Variants in ADGRG7 observed in about 807,000 individuals in gnomAD.
ADGRG7 encodes adhesion G protein-coupled receptor G7.
In ADGRG7, 82 loss-of-function variants were observed where a neutral mutation model predicts 88.6. That is an observed-to-expected ratio of 0.93 (90% CI 0.77 to 1.11). The LOEUF (loss-of-function observed/expected upper bound fraction) is 1.11. Ranked by LOEUF, ADGRG7 falls within the 50% of genes most tolerant of loss-of-function variation. The probability of loss-of-function intolerance (pLI) is 0.00; values close to 1 mark genes in which losing one functional copy is unlikely to be tolerated. For synonymous variants in ADGRG7, 381 were observed against 345.2 expected (o/e 1.10, Z -1.15); for missense variants, 945 against 953.4 (o/e 0.99, Z 0.12).
intron 15 of ADGRG7, among the ~76,000 whole-genome samples, chr3:100,672,743 T>A (rs2094960312): frequency 6.6e-6 from 1 of 152,180 alleles, no homozygotes; most frequent in Non-Finnish European, 1.5e-5. Context: ...CAATACCTAG[T>A]TTATTGAGAA....
chr3:100,675,648 G>T (rs745671015), intron 15 of ADGRG7, among the ~76,000 whole-genome samples: 17 of 151,944 alleles, frequency 1.1e-4, no homozygotes, highest in Admixed American at 2.0e-4. Context: ...TATTCCCTTT[G>T]CCTCTATTTT....
Position 100,654,907 on chromosome 3 carries a change from C to T in ADGRG7, c.1452C>T (p.Leu484=). The T allele has an allele frequency of 6.2e-7, 1 of 1,614,086 alleles. No individual in the cohort carries two copies. The highest frequency in any genetic ancestry group is 8.5e-7 in the Non-Finnish European group (1 of 1,179,968). ...LCISMLIFNL[L]FVFGIENSNK... is the part of the protein sequence containing the mutation. ...TATCAATGTTGATTTTCAACCTCCT[C>T]TTTGTGTTTGGAATTGAAAACTCCA... The change falls in exon 12 of 16, where the codon CTC becomes CTT. Residue 484 remains leucine, a synonymous_variant. Coordinates refer to ENST00000273352, the MANE Select transcript of ADGRG7 (RefSeq NM_032787.3).
chr3:100,637,171 T>C (rs943147044), intron 5 of ADGRG7, 131 bp from the exon 6 acceptor site: 2 of 622,690 alleles, frequency 3.2e-6, no homozygotes, highest in African/African-American at 1.9e-5. Flanking sequence ...CCTTTAATTT[T>C]GTAAAATGCT....
intron 13 of ADGRG7, among the ~76,000 whole-genome samples, chr3:100,656,815 A>G (rs1359612696): frequency 3.3e-5 from 5 of 152,172 alleles, no homozygotes; most frequent in Admixed American, 6.5e-5. Context: ...AGGGCTGATC[A>G]TGCCCAACTG....
chr3:100,637,200 T>C (rs1259630340), intron 5 of ADGRG7, 102 bp from the exon 6 acceptor site: 10 of 773,722 alleles, frequency 1.3e-5, no homozygotes, highest in Non-Finnish European at 2.0e-5. Flanking sequence ...CATTATCATA[T>C]CAGTGATGCC....
rs545622799 is a variant in ADGRG7, at chr3:100,641,649, T to C, written c.699-1617T>C. On this transcript the variant is annotated intron_variant, in intron 6 of 15. Transcript: ENST00000273352. ...TCCAGGGCTTAACTTCCTTTTGACA[T>C]AATAAATTTAGAGGGTCTTGAAATT... Among the ~76,000 whole-genome samples the C allele has an allele frequency of 5.1e-4, 77 of 152,376 alleles. 1 individual carries two copies. In the South Asian group the frequency reaches 0.015, roughly 30 times the overall value.
rs369189432 is a variant in ADGRG7, at chr3:100,628,547, G to A, written c.116-1051G>A. Among the ~76,000 whole-genome samples, 41 of 152,010 alleles carry A rather than the reference G, an allele frequency of 2.7e-4. No individual in the cohort carries two copies. The East Asian group carries it at 2.9e-3, about 11-fold the overall frequency. ...TTAATTGTATTTTTAGTAGAGATGC[G>A]GTTTCACCATATTGCTCAGGCTGGT... On this transcript the variant is annotated intron_variant, in intron 1 of 15. Transcript: ENST00000273352.
chr3:100,667,611 A>G (rs925676181), intron 14 of ADGRG7, among the ~76,000 whole-genome samples: 3 of 152,162 alleles, frequency 2.0e-5, no homozygotes, highest in African/African-American at 4.8e-5. Context: ...AGTGTTTGCT[A>G]TTGTGAATAG....
In ADGRG7 at chr3:100,630,735, G is replaced by A. The variant is rs1302823868; in HGVS notation, c.260G>A (p.Gly87Asp). 1 of 1,466,578 alleles carries A rather than the reference G, an allele frequency of 6.8e-7. No homozygotes were observed. Among genetic ancestry groups the A allele is most frequent in the African/African-American group, 1.5e-5 (1 of 68,702 alleles). 90.8% of individuals were successfully genotyped at this position (1,466,578 alleles called of 1,614,324 possible). ...TTTTGTGAAAATAGTACCTATATGG[G>A]TTTTACTTTTGCCAGAATCCCAGTG... is the stretch of plus-strand genomic sequence containing the variant. ...ANFCENSTYM[G>D]FTFARIPVGR... The change falls in exon 3 of 16, where the codon GGT becomes GAT. Residue 87 changes from glycine to aspartate, a missense_variant. Transcript: ENST00000273352.
chr3:100,626,653 C>T (rs1707384681), intron 1 of ADGRG7, among the ~76,000 whole-genome samples: 1 of 152,076 alleles, frequency 6.6e-6, no homozygotes, highest in South Asian at 2.1e-4. Flanking sequence ...GGCATGGTGG[C>T]ATGTGCCCGT....
intron 3 of ADGRG7, among the ~76,000 whole-genome samples, chr3:100,632,784 G>A (rs1414705733): frequency 6.6e-6 from 1 of 152,146 alleles, no homozygotes; most frequent in East Asian, 1.9e-4. Context: ...AGGCAGTGAG[G>A]TAGGGAGGCT....
Position 100,681,309 on chromosome 3 carries a change from T to TC in ADGRG7, c.2136+12204_2136+12205insC, listed in dbSNP as rs201121723. 3.3e-5 allele frequency among the ~76,000 whole-genome samples: 5 copies of TC among 151,730 alleles called. No homozygotes were observed. In the East Asian group the frequency reaches 9.7e-4, roughly 29 times the overall value. ...TTGAAAGACATCTTTTCTTTTCTTT[T>TC]TTTTTTTTTTCTTTTTTTTGAGACA... On this transcript the variant is annotated intron_variant, in intron 15 of 15. Coordinates refer to ENST00000273352, the MANE Select transcript of ADGRG7 (RefSeq NM_032787.3).
chr3:100,647,499 A>G (rs1036185766), intron 10 of ADGRG7, among the ~76,000 whole-genome samples: 1 of 151,730 alleles, frequency 6.6e-6, no homozygotes, highest in African/African-American at 2.4e-5. Context: ...TAAAAGAAAA[A>G]CTCTGTAATC....
intron 15 of ADGRG7, among the ~76,000 whole-genome samples, chr3:100,694,088 C>T (rs558754425): frequency 1.2e-4 from 19 of 152,026 alleles, no homozygotes; most frequent in African/African-American, 1.7e-4. Flanking sequence ...CTGAAACATG[C>T]GGATGATAAA....
chr3:100,667,833 G>GA lies in ADGRG7; in HGVS notation c.1980-1104dup, dbSNP rs373525295. On this transcript the variant is annotated intron_variant, in intron 14 of 15. Transcript: ENST00000273352. ...TTCAGGTGCTACCAGGGTATGAAAA[G>GA]AAAAAAAAAAAAGAGCTCCTGCAGC... Among the ~76,000 whole-genome samples, 1,262 of 141,414 alleles carry GA rather than the reference G, an allele frequency of 8.9e-3. 11 individuals are homozygous for GA. Among genetic ancestry groups the GA allele is most frequent in the African/African-American group, 0.03 (1,181 of 38,838 alleles). 92.8% of individuals were successfully genotyped at this position (141,414 alleles called of 152,430 possible). A position where few individuals can be genotyped will look rare whatever the true frequency, so the allele number is the denominator to read the frequency against.
At chr3:100,671,016 G>C (rs960529821) in intron 15 of ADGRG7, among the ~76,000 whole-genome samples, 17 of 152,260 alleles carry the variant, frequency 1.1e-4, no homozygotes, top group Admixed American at 6.5e-4. Flanking sequence ...AAACATACAT[G>C]TGCATGTGTC....
Position 100,646,091 on chromosome 3 carries a change from A to ATGGTC in ADGRG7, c.1095_1099dup (p.Phe367TrpfsTer57), listed in dbSNP as rs776434017. The ATGGTC allele has an allele frequency of 6.2e-7, 1 of 1,613,686 alleles. No individual in the cohort carries two copies. The highest frequency in any genetic ancestry group is 8.5e-7 in the Non-Finnish European group (1 of 1,179,906). On this transcript the variant is annotated frameshift_variant, in exon 9 of 16. Transcript: ENST00000273352. LOFTEE classifies it high-confidence loss of function. ...GCAAGATCAGAGTGCTTCTGTTGACATGGTCTTTAGTCCAAAGGTGAGTTT... is the reference window on the plus strand; with the variant it reads ...GCAAGATCAGAGTGCTTCTGTTGACATGGTCTGGTCTTTAGTCCAAAGGTGAGTTT...
chr3:100,685,630 T>A (rs1576339978), intron 15 of ADGRG7, among the ~76,000 whole-genome samples: 1 of 152,134 alleles, frequency 6.6e-6, no homozygotes, highest in East Asian at 1.9e-4. Flanking sequence ...CAGTGTTTGG[T>A]TTTTTGTCCT....
chr3:100,636,260 G>A (rs16842441), intron 5 of ADGRG7, among the ~76,000 whole-genome samples: 2,497 of 152,256 alleles, frequency 0.016, 71 homozygotes, highest in African/African-American at 0.056. Flanking sequence ...GTCCTGGAAT[G>A]CATAAGTCTA....
Sources: gnomAD v4.1 joint callset for allele counts (sites outside exome capture counted in the v4.1 genomes callset) on GRCh38, gnomAD v4.1.1 for gene constraint, MANE v1.5 for transcripts, NCBI Gene and HGNC (gene_info 2026-07-23, HGNC 2026-07-21) for gene names.